FA2H: variants seen among roughly 807,000 people sequenced by gnomAD.
FA2H encodes fatty acid alpha-hydroxylase.
A neutral mutation model predicts 44.9 loss-of-function variants in FA2H; 22 were observed. The ratio of observed to expected loss-of-function variants is 0.49; its 90% CI spans 0.35 to 0.70. FA2H has a LOEUF of 0.70. Among genes scored for constraint, FA2H ranks in the 30% least tolerant of loss-of-function variants. The pLI is 0.01. For missense variants in FA2H, 501 were observed against 504.9 expected, an observed-to-expected ratio of 0.99 and a Z score of 0.07; for synonymous variants, 243 against 213.2, an observed-to-expected ratio of 1.14 and a Z score of -1.22.
chr16:74,716,682 C>G (rs1961711183), intron 5 of FA2H, 83 bp from the exon 6 acceptor site: 4 of 1,448,908 alleles, frequency 2.8e-6, no homozygotes, highest in Non-Finnish European at 3.7e-6. Flanking sequence ...CTGCAGAGGA[C>G]AGGGGCACAG....
intron 2 of FA2H, among the ~76,000 whole-genome samples, chr16:74,732,996 C>T (rs1244502489): frequency 1.3e-5 from 2 of 152,202 alleles, no homozygotes; most frequent in Admixed American, 6.5e-5. Context: ...TGGGTAGACC[C>T]GCAAGCACTG....
intron 1 of FA2H, among the ~76,000 whole-genome samples, chr16:74,772,756 C>T (rs1419421141): frequency 6.6e-6 from 1 of 152,106 alleles, no homozygotes; most frequent in African/African-American, 2.4e-5. Context: ...AACCTGGGTC[C>T]AAAAACATAA....
At position 74,714,154 on chromosome 16, in the gene FA2H, G is replaced by T. The variant is rs1176977474; in HGVS notation, c.*36C>A. Reference sequence around the variant, plus strand: ...GGGTGGGGGTCGGGAAGGGGCCAGGGCCGGGCTGAGGGCAGGACGGAGGGG... The same window carrying T: ...GGGTGGGGGTCGGGAAGGGGCCAGGTCCGGGCTGAGGGCAGGACGGAGGGG... On this transcript the variant is annotated 3_prime_UTR_variant, in exon 7 of 7. Transcript: ENST00000219368. 1 of 1,408,280 alleles carries T rather than the reference G, an allele frequency of 7.1e-7. No homozygotes were observed. The highest frequency in any genetic ancestry group is 9.8e-7 in the Non-Finnish European group (1 of 1,017,594). 87.2% of individuals were successfully genotyped at this position (1,408,280 alleles called of 1,614,324 possible).
intron 1 of FA2H, among the ~76,000 whole-genome samples, chr16:74,767,011 G>C (rs968563660): frequency 6.6e-6 from 1 of 151,444 alleles, no homozygotes; most frequent in Non-Finnish European, 1.5e-5. Context: ...TGTTTACCTA[G>C]GTTAAAAAAA....
rs34393456 is a variant in FA2H, at chr16:74,714,447, T to C, written c.1040-178A>G. 0.069 allele frequency among the ~76,000 whole-genome samples: 10,452 copies of C among 152,232 alleles called. 485 individuals carry two copies. Among genetic ancestry groups the C allele is most frequent in the Non-Finnish European group, 0.11 (7,169 of 68,010 alleles). On this transcript the variant is annotated intron_variant, in intron 6 of 6. Transcript: ENST00000219368. ...GTCAAGGGTGGGGAACCTGTGTCTT[T>C]TATTGTCCCCAGCATGAAGCTGGAA...
intron 1 of FA2H, among the ~76,000 whole-genome samples, chr16:74,747,373 G>C (rs1382168159): frequency 6.6e-6 from 1 of 152,046 alleles, no homozygotes. Context: ...CAAAATCTGT[G>C]AGGGGTAAGG....
intron 4 of FA2H, among the ~76,000 whole-genome samples, chr16:74,719,887 A>T (rs973434506): frequency 6.6e-6 from 1 of 151,804 alleles, no homozygotes; most frequent in Non-Finnish European, 1.5e-5. Context: ...AGTGTGACCC[A>T]CCAGGGACCA....
chr16:74,736,084 T>C (rs1962174174), intron 2 of FA2H, among the ~76,000 whole-genome samples: 1 of 152,198 alleles, frequency 6.6e-6, no homozygotes, highest in Non-Finnish European at 1.5e-5. Flanking sequence ...CCTCCCAGGG[T>C]GTCCTCTAAG....
rs1011800008 is a variant in FA2H, at chr16:74,774,757, G to A, written c.-2C>T. The stretch of plus-strand genomic sequence containing the variant: ...GGCGGGGGGCGGAGCGGGGGCCATG[G>A]CCGGAGACCGCAGCTCCCAGCGCGC... On this transcript the variant is annotated 5_prime_UTR_variant, in exon 1 of 7. Coordinates refer to ENST00000219368, the MANE Select transcript of FA2H (RefSeq NM_024306.5). 1.5e-6 allele frequency: 2 copies of A among 1,300,266 alleles called. No homozygotes were observed. The highest frequency in any genetic ancestry group is 9.7e-7 in the Non-Finnish European group (1 of 1,031,728). 80.5% of individuals were successfully genotyped at this position (1,300,266 alleles called of 1,614,324 possible).
intron 1 of FA2H, among the ~76,000 whole-genome samples, chr16:74,766,116 T>C (rs1050955744): frequency 1.3e-5 from 2 of 152,116 alleles, no homozygotes; most frequent in Non-Finnish European, 1.5e-5. Context: ...CTGGCAAACA[T>C]GGTGAAACCC....
At chr16:74,764,389 C>CA (rs1962768108) in intron 1 of FA2H, among the ~76,000 whole-genome samples, 1 of 152,004 alleles carries the variant, frequency 6.6e-6, no homozygotes, top group African/African-American at 2.4e-5. Context: ...TATACAGCCA[C>CA]AAAAAAGAAC....
At position 74,756,828 on chromosome 16, in the gene FA2H, A is replaced by T. The variant is rs1434130206; in HGVS notation, c.271-16713T>A. ...AAAATATAAACCTAAAATAATACCT[A>T]TTTTTTTCCTTACACCCCATCCCTC... On this transcript the variant is annotated intron_variant, in intron 1 of 6. Transcript: ENST00000219368. Among the ~76,000 whole-genome samples, 6 of 152,082 alleles carry T rather than the reference A, an allele frequency of 3.9e-5. No individual in the cohort carries two copies. The South Asian group carries it at 1.0e-3, about 26-fold the overall frequency.
intron 1 of FA2H, among the ~76,000 whole-genome samples, chr16:74,749,582 T>C (rs62051099): frequency 5.3e-4 from 81 of 152,190 alleles, no homozygotes; most frequent in Non-Finnish European, 6.2e-4. Flanking sequence ...CTTCTGCTCG[T>C]GAAGTGAACT....
intron 2 of FA2H, among the ~76,000 whole-genome samples, chr16:74,733,896 A>C (rs1025229051): frequency 1.3e-5 from 2 of 152,172 alleles, no homozygotes; most frequent in Non-Finnish European, 2.9e-5. Flanking sequence ...CTTCCCCAGG[A>C]AAGCGTCCTA....
In FA2H at chr16:74,719,105, T is replaced by C; in HGVS notation, c.669A>G (p.Thr223=). ...GGTACTCGATGAGGCTCCAGAGGAA[T>C]GTCCCCAGCATGAAGAGCCCGGGGA... ...SMFPGLFMLG[T]FLWSLIEYLI... The change falls in exon 5 of 7, where the codon ACA becomes ACG. Residue 223 remains threonine, a synonymous_variant. Transcript: ENST00000219368. The C allele has an allele frequency of 3.7e-6, 6 of 1,614,014 alleles. No homozygotes were observed. Among genetic ancestry groups the C allele is most frequent in the Non-Finnish European group, 4.2e-6 (5 of 1,180,034 alleles).
At position 74,716,242 on chromosome 16, in the gene FA2H, C is replaced by G. The variant is rs995595897; in HGVS notation, c.1039+105G>C. The G allele has an allele frequency of 1.4e-5, 19 of 1,336,992 alleles. No homozygotes were observed. In the East Asian group the frequency reaches 4.4e-4, roughly 31 times the overall value. The allele number at this position is 1,336,992 out of a possible 1,614,324, so 82.8% of individuals were successfully genotyped here. A position where few individuals can be genotyped will look rare whatever the true frequency, so the allele number is the denominator to read the frequency against. On this transcript the variant is annotated intron_variant, in intron 6 of 6. Coordinates refer to ENST00000219368, the MANE Select transcript of FA2H (RefSeq NM_024306.5). The stretch of plus-strand genomic sequence containing the variant: ...AGTAGAGGGAACCCTCTGTATATGC[C>G]CCGTACATGGAACAGTGCCTTGCCG...
chr16:74,714,157 G>C lies in FA2H; in HGVS notation c.*33C>G, dbSNP rs745930043. On this transcript the variant is annotated 3_prime_UTR_variant, in exon 7 of 7. Transcript: ENST00000219368. ...TGGGGGTCGGGAAGGGGCCAGGGCC[G>C]GGCTGAGGGCAGGACGGAGGGGGTG... 8.3e-6 allele frequency: 12 copies of C among 1,440,806 alleles called. No homozygotes were observed. Among genetic ancestry groups the C allele is most frequent in the African/African-American group, 1.4e-5 (1 of 70,916 alleles). The allele number at this position is 1,440,806 out of a possible 1,614,324, so 89.3% of individuals were successfully genotyped here. A position where few individuals can be genotyped will look rare whatever the true frequency, so the allele number is the denominator to read the frequency against.
Position 74,726,298 on chromosome 16 carries a change from C to A in FA2H, c.540G>T (p.Val180=), listed in dbSNP as rs150423523. ...YSVPIIWVPL[V]LYLSWSYYRT... is the part of the protein sequence containing the mutation. ...GGTAGTAGGACCAGCTGAGATACAGCACCAGGGGCACCCAGATGATGGGGA... is the reference window on the plus strand; with the variant it reads ...GGTAGTAGGACCAGCTGAGATACAGAACCAGGGGCACCCAGATGATGGGGA... Residue 180 remains valine (V), a synonymous_variant, in exon 4 of 7, where the codon GTG becomes GTT. Transcript: ENST00000219368. 4.2e-5 allele frequency: 67 copies of A among 1,614,012 alleles called. No individual in the cohort carries two copies. In the African/African-American group the frequency reaches 8.1e-4, roughly 20 times the overall value.
chr16:74,734,961 G>A (rs982197031), intron 2 of FA2H, among the ~76,000 whole-genome samples: 1 of 152,254 alleles, frequency 6.6e-6, no homozygotes, highest in Admixed American at 6.5e-5. Context: ...CTTCCAGGCA[G>A]CCGGGGCTGC....
Sources: gnomAD v4.1 joint callset for allele counts (sites outside exome capture counted in the v4.1 genomes callset) on GRCh38, gnomAD v4.1.1 for gene constraint, MANE v1.5 for transcripts, NCBI Gene and HGNC (gene_info 2026-07-23, HGNC 2026-07-21) for gene names.